The following ZNF75D variants were observed in gnomAD, a reference collection of about 807,000 sequenced individuals.
The protein encoded by ZNF75D is zinc finger protein 75.
In ZNF75D, 33 loss-of-function variants were observed where a neutral mutation model predicts 33.3. That is an observed-to-expected ratio of 0.99 (90% CI 0.75 to 1.32). The LOEUF (loss-of-function observed/expected upper bound fraction) is 1.32, where lower values mean the gene tolerates loss of function less well. ZNF75D is among the 40% of genes most tolerant of loss of function. The pLI, the probability that ZNF75D is intolerant of heterozygous loss-of-function variation, is 0.00. For missense variants in ZNF75D, 338 were observed against 367.5 expected, an observed-to-expected ratio of 0.92 and a Z score of 0.66; for synonymous variants, 113 against 130.6, an observed-to-expected ratio of 0.87 and a Z score of 0.92.
At chrX:135,259,587 C>T (rs954044921) in intron 1 of ZNF75D, among the ~76,000 whole-genome samples, 1 of 111,435 alleles carries the variant, frequency 9.0e-6, no homozygotes, top group Non-Finnish European at 1.9e-5. Context: ...CATGATTTGG[C>T]TCTCTGTTTG....
At chrX:135,276,803 C>G (rs2083900821) in intron 1 of ZNF75D, among the ~76,000 whole-genome samples, 1 of 111,532 alleles carries the variant, frequency 9.0e-6, no homozygotes, top group Admixed American at 9.5e-5. Flanking sequence ...TCATCCATGT[C>G]TCTGCAAAGG....
chrX:135,299,371 T>C (rs2084181248), intron 1 of ZNF75D, among the ~76,000 whole-genome samples: 2 of 112,303 alleles, frequency 1.8e-5, no homozygotes, highest in Admixed American at 1.9e-4. Flanking sequence ...GATTTGCATT[T>C]CCCTTATAAT....
intron 1 of ZNF75D, among the ~76,000 whole-genome samples, chrX:135,278,253 T>C (rs1292151613): frequency 1.8e-5 from 2 of 111,748 alleles, no homozygotes; most frequent in Non-Finnish European, 3.8e-5. Flanking sequence ...TTTGTAGCAA[T>C]TGTGAATGGG....
At chrX:135,257,095 G>A (rs539780019) in intron 1 of ZNF75D, among the ~76,000 whole-genome samples, 5 of 112,096 alleles carry the variant, frequency 4.5e-5, no homozygotes, top group South Asian at 3.7e-4. Context: ...ATGACCCAGC[G>A]TCCTCCCAGC....
chrX:135,291,544 C>T lies in ZNF75D; in HGVS notation c.624G>A (p.Met208Ile), dbSNP rs1556421257. The T allele has an allele frequency of 8.3e-7, 1 of 1,210,644 alleles. No homozygotes were observed. The change falls in exon 5 of 7, where the codon ATG (methionine) becomes ATA (isoleucine). Residue 208 changes from methionine (M) to isoleucine (I), a missense_variant. By Grantham distance (10) the Met-to-Ile change is conservative (BLOSUM62 1). This residue lies in a region of ZNF75D where 254 missense variants were observed against 267.7 expected (regional missense o/e 0.95). Coordinates refer to ENST00000370766, the MANE Select transcript of ZNF75D (RefSeq NM_007131.5). ...TTCTTTTCTGCTCAGAAAGGGCTAA[C>T]ATCTGTTGATCATGCACAGCTGTGG... The part of the protein sequence containing the change: ...VYERAVHDQQ[M>I]LALSEQKRIK...
At chrX:135,334,169 C>A (rs1014885424) in intron 1 of ZNF75D, among the ~76,000 whole-genome samples, 1 of 111,586 alleles carries the variant, frequency 9.0e-6, no homozygotes, top group Non-Finnish European at 1.9e-5. Context: ...GCTATTTTGG[C>A]GGAAAGGAAA....
At chrX:135,261,664 T>A (rs1192115216) in intron 1 of ZNF75D, among the ~76,000 whole-genome samples, 1 of 111,802 alleles carries the variant, frequency 8.9e-6, no homozygotes. Flanking sequence ...TCTTTCTCCA[T>A]CCCTTTATTT....
downstream of ZNF75D, among the ~76,000 whole-genome samples, chrX:135,282,029 T>A (rs782470467): frequency 1.8e-5 from 2 of 112,441 alleles, no homozygotes; most frequent in Non-Finnish European, 3.8e-5. Context: ...TGCTGTGAGA[T>A]CCGTTGCTCT....
intron 1 of ZNF75D, among the ~76,000 whole-genome samples, chrX:135,279,066 A>G (rs1248544134): frequency 8.9e-6 from 1 of 111,767 alleles, no homozygotes; most frequent in Admixed American, 9.5e-5. Flanking sequence ...AAGGAAGGGT[A>G]CCAGCTCTTA....
At position 135,298,348 on chromosome X, in the gene ZNF75D, A is replaced by C. The variant is rs781871457; in HGVS notation, c.-390-2309T>G. ...AACAACAACAGATGGCTAAATTTAA[A>C]TGATGTGCTGTGAGACAGAGGTTGG... is the stretch of plus-strand genomic sequence containing the variant. On this transcript the variant is annotated intron_variant, in intron 1 of 6. Coordinates refer to ENST00000370766, the MANE Select transcript of ZNF75D (RefSeq NM_007131.5). 3 of 112,205 alleles carry C rather than the reference A, an allele frequency of 2.7e-5. No individual in the cohort carries two copies. The South Asian group carries it at 1.1e-3, about 42-fold the overall frequency. The allele number at this position is 112,205 out of a possible 1,213,427, so 9.2% of individuals were successfully genotyped here. A position where few individuals can be genotyped will look rare whatever the true frequency, so the allele number is the denominator to read the frequency against.
intron 1 of ZNF75D, among the ~76,000 whole-genome samples, chrX:135,309,869 G>C (rs1177855440): frequency 2.7e-5 from 3 of 111,895 alleles, no homozygotes; most frequent in African/African-American, 9.8e-5. Context: ...AGGGGCTTTT[G>C]TTCATCCTAA....
At chrX:135,305,166 T>A (rs2084269097) in intron 1 of ZNF75D, among the ~76,000 whole-genome samples, 1 of 111,837 alleles carries the variant, frequency 8.9e-6, no homozygotes. Flanking sequence ...CCCGACACAG[T>A]CTCCCATAGG....
intron 1 of ZNF75D, among the ~76,000 whole-genome samples, chrX:135,337,990 G>T (rs1556443068): frequency 9.0e-6 from 1 of 110,732 alleles, no homozygotes; most frequent in Non-Finnish European, 1.9e-5. Context: ...GCCCTGAGAG[G>T]TGAAGGATCT....
chrX:135,305,716 C>T (rs1210752129), intron 1 of ZNF75D, among the ~76,000 whole-genome samples: 1 of 110,966 alleles, frequency 9.0e-6, no homozygotes, highest in Non-Finnish European at 1.9e-5. Flanking sequence ...CCCACTCAGC[C>T]GTCCTTCCAC....
At chrX:135,289,517 G>A (rs2084004786) in intron 6 of ZNF75D, among the ~76,000 whole-genome samples, 1 of 110,568 alleles carries the variant, frequency 9.0e-6, no homozygotes, top group African/African-American at 3.3e-5. Context: ...TCGGGATGCT[G>A]AGGCAGGAAA....
rs2084814366 is a variant in ZNF75D at position 135,343,830 on chromosome X, G to A, written c.-2453C>T. ...GTTCCAGCCGGTGAGCCCAACTTTGGACCCGGCAGAGCTGTCTCCAGTAGC... is the reference window on the plus strand; with the variant it reads ...GTTCCAGCCGGTGAGCCCAACTTTGAACCCGGCAGAGCTGTCTCCAGTAGC... On this transcript the variant is annotated 5_prime_UTR_variant, in exon 1 of 7. Coordinates refer to ENST00000370766, the MANE Select transcript of ZNF75D (RefSeq NM_007131.5). The A allele has an allele frequency of 9.0e-6, 1 of 111,605 alleles. No individual in the cohort carries two copies. The allele number at this position is 111,605 out of a possible 1,213,427, so 9.2% of individuals were successfully genotyped here.
At chrX:135,327,172 C>T (rs782326943) in intron 1 of ZNF75D, among the ~76,000 whole-genome samples, 1 of 112,404 alleles carries the variant, frequency 8.9e-6, no homozygotes, top group Non-Finnish European at 1.9e-5. Context: ...TGATGTTTTA[C>T]TAATTTGGAC....
intron 1 of ZNF75D, among the ~76,000 whole-genome samples, chrX:135,331,557 G>A (rs781896038): frequency 6.8e-4 from 75 of 111,060 alleles, no homozygotes; most frequent in Middle Eastern, 4.6e-3. Context: ...GCAAGCTTAA[G>A]TTAGGAGTAA....
intron 1 of ZNF75D, among the ~76,000 whole-genome samples, chrX:135,258,802 A>C (rs781877986): frequency 7.2e-5 from 8 of 111,717 alleles, no homozygotes; most frequent in Non-Finnish European, 1.1e-4. Context: ...AGTTTAATTA[A>C]ATCCCATTTG....
Sources: allele counts gnomAD v4.1 joint callset (sites outside exome capture counted in the v4.1 genomes callset), GRCh38; gene constraint gnomAD v4.1.1; regional missense constraint gnomAD v4.1.1; transcripts MANE v1.5; gene names NCBI Gene and HGNC (gene_info 2026-07-23, HGNC 2026-07-21).